Variants in LGR4 observed in about 807,000 individuals in gnomAD.
The protein encoded by LGR4 is leucine-rich repeat-containing G protein-coupled receptor 4.
In LGR4, 44 loss-of-function variants were observed where a neutral mutation model predicts 84.8. That is an observed-to-expected ratio of 0.52 (90% CI 0.41 to 0.67). The LOEUF is 0.67. Ranked by LOEUF, LGR4 falls within the 30% of genes least tolerant of loss-of-function variation. The pLI is 0.00. For missense variants in LGR4, 1,032 were observed against 1,131.4 expected (o/e 0.91, Z 1.26); for synonymous variants, 429 against 434.3 (o/e 0.99, Z 0.15).
chr11:27,472,680 C>G lies in LGR4; in HGVS notation c.-378G>C. 1 of 359,014 alleles carries G rather than the reference C, an allele frequency of 2.8e-6. No individual in the cohort carries two copies. The highest frequency in any genetic ancestry group is 5.0e-6 in the Non-Finnish European group (1 of 201,032). 22.2% of individuals were successfully genotyped at this position (359,014 alleles called of 1,614,324 possible). On this transcript the variant is annotated 5_prime_UTR_variant, in exon 1 of 18. Coordinates refer to ENST00000379214, the MANE Select transcript of LGR4 (RefSeq NM_018490.5). The stretch of plus-strand genomic sequence containing the variant: ...GCAGCCTTCAGCCATGCCGGCCACT[C>G]GCCCCAGCCCCCGCCGTGGCTCTCG...
At chr11:27,399,177 C>A (rs1863449739) in intron 2 of LGR4, among the ~76,000 whole-genome samples, 1 of 152,082 alleles carries the variant, frequency 6.6e-6, no homozygotes, top group South Asian at 2.1e-4. Flanking sequence ...TGCCAAAGTC[C>A]TGGGATTACA....
intron 1 of LGR4, among the ~76,000 whole-genome samples, chr11:27,439,981 C>T: frequency 6.7e-6 from 1 of 148,990 alleles, no homozygotes; most frequent in East Asian, 2.0e-4. Context: ...TCTCAGCTCA[C>T]TGCAACCTCC....
intron 1 of LGR4, among the ~76,000 whole-genome samples, chr11:27,469,179 T>G (rs1271426213): frequency 1.3e-5 from 2 of 152,146 alleles, no homozygotes; most frequent in Non-Finnish European, 2.9e-5. Flanking sequence ...ATGGTGTGAA[T>G]ACAGGAATCC....
At chr11:27,371,438 T>C (rs565001321) in intron 17 of LGR4, among the ~76,000 whole-genome samples, 177 bp downstream of exon 17, 1 of 152,316 alleles carries the variant, frequency 6.6e-6, no homozygotes, top group East Asian at 1.9e-4. Context: ...GGGCCTGAGA[T>C]TCTGCAAAAA....
chr11:27,381,706 C>CAA (rs3085345), intron 7 of LGR4, among the ~76,000 whole-genome samples: 66 of 150,552 alleles, frequency 4.4e-4, no homozygotes, highest in East Asian at 2.6e-3. Context: ...TACAAACAAT[C>CAA]AAAAAAAAAA....
chr11:27,445,071 A>G (rs948101005), intron 1 of LGR4, among the ~76,000 whole-genome samples: 1 of 152,194 alleles, frequency 6.6e-6, no homozygotes, highest in East Asian at 1.9e-4. Flanking sequence ...CCTACAGAAG[A>G]CTAAATGACC....
At chr11:27,423,103 G>GA (rs1170328433) in intron 1 of LGR4, among the ~76,000 whole-genome samples, 9 of 151,808 alleles carry the variant, frequency 5.9e-5, no homozygotes, top group Non-Finnish European at 1.0e-4. Flanking sequence ...AAAACAAAGG[G>GA]AAAAAAACAC....
At chr11:27,415,050 C>G (rs973212289) in intron 1 of LGR4, among the ~76,000 whole-genome samples, 1 of 152,128 alleles carries the variant, frequency 6.6e-6, no homozygotes, top group Non-Finnish European at 1.5e-5. Context: ...TATTAAATTA[C>G]TAAGTCACTC....
chr11:27,469,055 G>T (rs151279764), intron 1 of LGR4, among the ~76,000 whole-genome samples: 83 of 152,228 alleles, frequency 5.5e-4, no homozygotes, highest in African/African-American at 2.0e-3. Context: ...TTTAATATTA[G>T]TAAGATTACT....
chr11:27,398,234 G>C (rs1040083219), intron 2 of LGR4, among the ~76,000 whole-genome samples: 1 of 152,212 alleles, frequency 6.6e-6, no homozygotes, highest in Non-Finnish European at 1.5e-5. Flanking sequence ...ATGGGGCACT[G>C]GTCAAGGGTG....
At chr11:27,426,060 A>G (rs1344582675) in intron 1 of LGR4, among the ~76,000 whole-genome samples, 1 of 152,232 alleles carries the variant, frequency 6.6e-6, no homozygotes, top group Non-Finnish European at 1.5e-5. Flanking sequence ...AGTAGTAAGT[A>G]CTTACTTGGC....
chr11:27,439,808 C>T (rs1864272119), intron 1 of LGR4, among the ~76,000 whole-genome samples: 3 of 151,454 alleles, frequency 2.0e-5, no homozygotes, highest in South Asian at 2.1e-4. Context: ...TGAGCGAATA[C>T]TTTAAAAACT....
intron 1 of LGR4, among the ~76,000 whole-genome samples, chr11:27,463,170 T>G (rs1864715724): frequency 1.3e-5 from 2 of 151,668 alleles, no homozygotes; most frequent in African/African-American, 4.8e-5. Flanking sequence ...GAGGATGCCC[T>G]TAGCCTGGGA....
intron 1 of LGR4, among the ~76,000 whole-genome samples, chr11:27,443,472 G>T (rs952940697): frequency 1.3e-5 from 2 of 152,106 alleles, no homozygotes; most frequent in Non-Finnish European, 2.9e-5. Context: ...TAATTACTTG[G>T]CCACTTTAAC....
At chr11:27,433,010 A>C (rs1356635183) in intron 1 of LGR4, among the ~76,000 whole-genome samples, 1 of 152,240 alleles carries the variant, frequency 6.6e-6, no homozygotes, top group East Asian at 1.9e-4. Context: ...ATGATTTTGA[A>C]TCAATAATAA....
intron 1 of LGR4, among the ~76,000 whole-genome samples, chr11:27,439,111 T>C (rs961985879): frequency 1.3e-5 from 2 of 152,088 alleles, no homozygotes; most frequent in Admixed American, 6.6e-5. Context: ...AAATGGAGAT[T>C]TACCATTTTA....
chr11:27,407,560 A>G (rs189976914), intron 2 of LGR4, among the ~76,000 whole-genome samples: 34 of 152,310 alleles, frequency 2.2e-4, no homozygotes, highest in African/African-American at 6.5e-4. Flanking sequence ...AGTTTTTAGC[A>G]TTAACTTAGG....
intron 4 of LGR4, among the ~76,000 whole-genome samples, chr11:27,387,675 C>T (rs1252890779): frequency 6.6e-6 from 1 of 152,118 alleles, no homozygotes; most frequent in African/African-American, 2.4e-5. Context: ...GGTCCACATT[C>T]CTTAAGTCCC....
rs191306961 is a variant in LGR4 at position 27,378,818 on chromosome 11, A to G, written c.972-50T>C. 5.4e-5 allele frequency: 72 copies of G among 1,324,772 alleles called. No individual in the cohort carries two copies. The African/African-American group carries it at 8.9e-4, about 16-fold the overall frequency. 82.1% of individuals were successfully genotyped at this position (1,324,772 alleles called of 1,614,324 possible). A position where few individuals can be genotyped will look rare whatever the true frequency, so the allele number is the denominator to read the frequency against. ...AGAAATAATTCAACTCAAGATAGTA[A>G]GCAAAATTTATTCCCATATAGAATA... is the stretch of plus-strand genomic sequence containing the variant. On this transcript the variant is annotated intron_variant, in intron 10 of 17. Transcript: ENST00000379214.
Sources: gnomAD v4.1 joint callset for allele counts (sites outside exome capture counted in the v4.1 genomes callset) on GRCh38, gnomAD v4.1.1 for gene constraint, MANE v1.5 for transcripts, NCBI Gene and HGNC (gene_info 2026-07-23, HGNC 2026-07-21) for gene names.